The following TOX variants were observed in gnomAD, a reference collection of about 807,000 sequenced individuals.
The protein encoded by TOX is thymocyte selection associated high mobility group box, also known as thymocyte selection-associated high mobility group box protein TOX.
A neutral mutation model predicts 53.7 loss-of-function variants in TOX; 11 were observed. The ratio of observed to expected loss-of-function variants is 0.20; its 90% CI spans 0.13 to 0.34. TOX has a LOEUF of 0.34. Among genes scored for constraint, TOX ranks in the 10% least tolerant of loss-of-function variants. The pLI, the probability that TOX is intolerant of heterozygous loss-of-function variation, is 1.00. For missense variants in TOX, 570 were observed against 664.6 expected (o/e 0.86, Z 1.56); for synonymous variants, 225 against 245.3 (o/e 0.92, Z 0.77).
At chr8:59,050,653 C>G (rs997719428) in intron 1 of TOX, among the ~76,000 whole-genome samples, 1 of 152,112 alleles carries the variant, frequency 6.6e-6, no homozygotes, top group Non-Finnish European at 1.5e-5. Flanking sequence ...ATACAAACAC[C>G]TAAATATGTT....
intron 3 of TOX, among the ~76,000 whole-genome samples, chr8:58,854,438 T>C (rs1810878061): frequency 6.6e-6 from 1 of 152,096 alleles, no homozygotes; most frequent in Non-Finnish European, 1.5e-5. Flanking sequence ...CTCCCCTGTC[T>C]TGCAATCTTC....
chr8:58,963,306 G>GATATATATATAT (rs74274681), intron 1 of TOX, among the ~76,000 whole-genome samples: 2 of 131,584 alleles, frequency 1.5e-5, no homozygotes, highest in East Asian at 4.1e-4. Flanking sequence ...TAGATAGATA[G>GATATATATATAT]ATATATATAT....
At chr8:59,078,063 A>T (rs563010664) in intron 1 of TOX, among the ~76,000 whole-genome samples, 83 of 152,358 alleles carry the variant, frequency 5.4e-4, no homozygotes, top group African/African-American at 2.0e-3. Context: ...CAGCTACATT[A>T]AGAAAATTAT....
rs149032216 is a variant in TOX, at chr8:58,851,170, C to CTCTG, written c.693+353_693+354insCAGA. Among the ~76,000 whole-genome samples the CTCTG allele has an allele frequency of 7.2e-6, 1 of 138,266 alleles. No individual in the cohort carries two copies. The highest frequency in any genetic ancestry group is 2.9e-5 in the African/African-American group (1 of 34,448). 90.7% of individuals were successfully genotyped at this position (138,266 alleles called of 152,430 possible). A position where few individuals can be genotyped will look rare whatever the true frequency, so the allele number is the denominator to read the frequency against. On this transcript the variant is annotated intron_variant, in intron 4 of 8. Coordinates refer to ENST00000361421, the MANE Select transcript of TOX (RefSeq NM_014729.3). This position sits in a 1 kb window ranked among gnomAD's most constrained non-coding sequence, Gnocchi z 4.4. The stretch of plus-strand genomic sequence containing the variant: ...CCTCTCTCTCTCTGTCTCTCTCTCT[C>CTCTG]TCTCTCTCTCTCTCTCACACACACA...
chr8:58,871,888 A>G (rs886758276), intron 3 of TOX, among the ~76,000 whole-genome samples: 1 of 152,288 alleles, frequency 6.6e-6, no homozygotes, highest in African/African-American at 2.4e-5. Flanking sequence ...ATTCATACAT[A>G]TATCTCCCTA....
At chr8:58,878,891 T>C (rs1811332836) in intron 3 of TOX, among the ~76,000 whole-genome samples, 1 of 151,752 alleles carries the variant, frequency 6.6e-6, no homozygotes, top group Non-Finnish European at 1.5e-5. Flanking sequence ...TGAAACCCCA[T>C]CTCTACTAAA....
At chr8:58,896,377 C>T (rs1027896120) in intron 3 of TOX, among the ~76,000 whole-genome samples, 1 of 152,000 alleles carries the variant, frequency 6.6e-6, no homozygotes, top group African/African-American at 2.4e-5. Flanking sequence ...CATATTAGCA[C>T]AACATTAAAA....
intron 1 of TOX, among the ~76,000 whole-genome samples, chr8:58,989,402 G>T (rs1813399694): frequency 6.6e-6 from 1 of 152,072 alleles, no homozygotes; most frequent in Non-Finnish European, 1.5e-5. Flanking sequence ...CCATAAGCCT[G>T]TATCTTCCAG....
chr8:58,996,614 T>A (rs1813564792), intron 1 of TOX, among the ~76,000 whole-genome samples: 1 of 152,236 alleles, frequency 6.6e-6, no homozygotes, highest in African/African-American at 2.4e-5. Flanking sequence ...TACCTTTATG[T>A]TGTTTTGATA....
At chr8:59,080,933 T>A (rs1308211758) in intron 1 of TOX, among the ~76,000 whole-genome samples, 1 of 152,240 alleles carries the variant, frequency 6.6e-6, no homozygotes, top group African/African-American at 2.4e-5. Flanking sequence ...TACAAGCCTC[T>A]ACCTACTGGT....
At chr8:59,111,847 A>T (rs530358660) in intron 1 of TOX, among the ~76,000 whole-genome samples, 19 of 152,314 alleles carry the variant, frequency 1.2e-4, no homozygotes, top group Admixed American at 9.8e-4. Flanking sequence ...TCATAAAAGC[A>T]CATAATTCAG....
intron 7 of TOX, 141 bp downstream of exon 7, chr8:58,815,197 T>A: frequency 9.0e-7 from 1 of 1,109,706 alleles, no homozygotes; most frequent in Non-Finnish European, 1.2e-6. Flanking sequence ...TTGTTGAATA[T>A]CTTTAGTGCT....
intron 3 of TOX, among the ~76,000 whole-genome samples, chr8:58,911,899 T>C (rs1811915118): frequency 6.6e-6 from 1 of 152,084 alleles, no homozygotes; most frequent in Non-Finnish European, 1.5e-5. Flanking sequence ...ACGGGGTTTC[T>C]CCATGTTGGT....
chr8:58,883,126 G>A (rs1247134033), intron 3 of TOX, among the ~76,000 whole-genome samples: 1 of 152,112 alleles, frequency 6.6e-6, no homozygotes, highest in Non-Finnish European at 1.5e-5. Flanking sequence ...TCTATGATGT[G>A]GAGCAAGGCA....
intron 1 of TOX, among the ~76,000 whole-genome samples, chr8:59,104,579 A>T (rs1209363665): frequency 1.3e-5 from 2 of 152,186 alleles, no homozygotes; most frequent in African/African-American, 4.8e-5. Flanking sequence ...CAAGAGGCCA[A>T]TTTAAATGTT....
chr8:59,043,130 C>T (rs1242253673), intron 1 of TOX, among the ~76,000 whole-genome samples: 2 of 152,012 alleles, frequency 1.3e-5, no homozygotes, highest in African/African-American at 4.8e-5. Flanking sequence ...CCTTTCTACT[C>T]TATCTTAAAG....
intron 3 of TOX, among the ~76,000 whole-genome samples, chr8:58,894,832 G>T (rs1449530647): frequency 6.6e-5 from 10 of 152,040 alleles, no homozygotes. Flanking sequence ...GGAGGTGGAG[G>T]TTGCAGTGAG....
At chr8:58,867,103 T>C (rs892773164) in intron 3 of TOX, among the ~76,000 whole-genome samples, 1 of 152,202 alleles carries the variant, frequency 6.6e-6, no homozygotes, top group African/African-American at 2.4e-5. Flanking sequence ...TTCTTCTGCA[T>C]CTACATTTAC....
chr8:58,934,029 T>C (rs966837848), intron 3 of TOX, among the ~76,000 whole-genome samples: 1 of 152,146 alleles, frequency 6.6e-6, no homozygotes, highest in African/African-American at 2.4e-5. Flanking sequence ...ACAAATCAAT[T>C]ACTCACTATC....
Sources: gnomAD v4.1 joint callset for allele counts (sites outside exome capture counted in the v4.1 genomes callset) on GRCh38, gnomAD v4.1.1 for gene constraint, Gnocchi (gnomAD v3.1) non-coding constraint, MANE v1.5 for transcripts, NCBI Gene and HGNC (gene_info 2026-07-23, HGNC 2026-07-21) for gene names.